Variants in LHX8 observed in about 807,000 individuals in gnomAD.
LHX8 encodes the protein LIM/homeobox protein Lhx8.
LHX8 carries 12 observed loss-of-function variants against 40.3 expected under a neutral mutation model. The ratio of observed to expected loss-of-function variants is 0.30; its 90% CI spans 0.19 to 0.48. The LOEUF (loss-of-function observed/expected upper bound fraction) is 0.48. Among genes scored for constraint, LHX8 ranks in the 20% least tolerant of loss-of-function variants. The pLI is 0.99. For missense variants in LHX8, 344 were observed against 433.7 expected (o/e 0.79, Z 1.84); for synonymous variants, 179 against 162.0 (o/e 1.10, Z -0.80).
chr1:75,141,766 G>A (rs748917666), intron 4 of LHX8, among the ~76,000 whole-genome samples: 2 of 151,998 alleles, frequency 1.3e-5, no homozygotes, highest in African/African-American at 2.4e-5. Flanking sequence ...CAGTTGTGTA[G>A]AAATTAAAAT....
chr1:75,143,762 C>T (rs1358597547), intron 5 of LHX8, 83 bp from the exon 6 acceptor site: 1 of 1,043,600 alleles, frequency 9.6e-7, no homozygotes, highest in East Asian at 2.4e-5. Flanking sequence ...CACAAAAAGC[C>T]AAGAGATATA....
chr1:75,149,001 A>G (rs1648536527), intron 7 of LHX8, among the ~76,000 whole-genome samples: 1 of 152,326 alleles, frequency 6.6e-6, no homozygotes, highest in East Asian at 1.9e-4. Flanking sequence ...TTAAAATGTA[A>G]TGATTATCCT....
At chr1:75,169,227 C>T in the LHX8 span, among the ~76,000 whole-genome samples, 6,224 of 152,196 alleles carry the variant, frequency 0.041, 171 homozygotes, top group Middle Eastern at 0.085. Flanking sequence ...CCAAGCTATA[C>T]GCAAGTGGGC....
rs1296573569 is a variant in LHX8 at position 75,153,776 on chromosome 1, C to T, written c.781-3117C>T. ...CAATGTTGCCTTTTGTTTTCTTAAACTTTTATTGTTTCAATTATTTACGCC... is the reference window on the plus strand; with the variant it reads ...CAATGTTGCCTTTTGTTTTCTTAAATTTTTATTGTTTCAATTATTTACGCC... On this transcript the variant is annotated intron_variant, in intron 7 of 8. Coordinates refer to ENST00000356261, the MANE Select transcript of LHX8 (RefSeq NM_001256114.2). Among the ~76,000 whole-genome samples the T allele has an allele frequency of 7.9e-5, 12 of 152,084 alleles. No homozygotes were observed. In the East Asian group the frequency reaches 2.1e-3, roughly 27 times the overall value.
At chr1:75,130,755 T>C (rs770534168), upstream of LHX8, 6 of 1,612,324 alleles carry the variant, frequency 3.7e-6, no homozygotes, top group South Asian at 5.5e-5. Context: ...AAAGAACCTC[T>C]AGAAGCAATC....
upstream of LHX8, chr1:75,130,419 C>A: frequency 7.4e-6 from 4 of 537,844 alleles, no homozygotes; most frequent in Admixed American, 3.1e-5. Context: ...GTGAGGAATG[C>A]CGCGGGGCGG....
intron 6 of LHX8, among the ~76,000 whole-genome samples, chr1:75,145,908 A>G (rs974752374): frequency 1.3e-5 from 2 of 152,164 alleles, no homozygotes; most frequent in Admixed American, 6.6e-5. Flanking sequence ...ATGAAAGCAT[A>G]TTACCATTTT....
chr1:75,140,873 C>G (rs1354691046), intron 3 of LHX8, 112 bp from the exon 4 acceptor site: 3 of 965,766 alleles, frequency 3.1e-6, no homozygotes, highest in Non-Finnish European at 4.9e-6. Context: ...TGAAAACATT[C>G]AGAGCATGTG....
At chr1:75,140,168 GTTCCC>G (rs1648274537) in intron 3 of LHX8, among the ~76,000 whole-genome samples, 1 of 152,168 alleles carries the variant, frequency 6.6e-6, no homozygotes, top group Non-Finnish European at 1.5e-5. Context: ...ATTATGACTT[GTTCCC>G]TGGATTGACA....
At chr1:75,177,940 T>G in the LHX8 span, among the ~76,000 whole-genome samples, 45 of 152,136 alleles carry the variant, frequency 3.0e-4, no homozygotes, top group African/African-American at 1.0e-3. Context: ...AATCATGTGG[T>G]TTTTGTCTTT....
intron 3 of LHX8, among the ~76,000 whole-genome samples, chr1:75,139,387 G>C (rs907314478): frequency 1.3e-5 from 2 of 152,098 alleles, no homozygotes; most frequent in Non-Finnish European, 2.9e-5. Context: ...TGACAACCAG[G>C]TCTGGCTTTA....
rs1648133732 is a variant in LHX8, at chr1:75,136,474, C to T, written c.-12-129C>T. On this transcript the variant is annotated intron_variant, in intron 1 of 8. Transcript: ENST00000356261. Reference sequence around the variant, plus strand: ...CGGCGCCCGGGCTCAGGCGCCGTGACGGCTGCACGCGCTGCCCCGCACTCT... The same window carrying T: ...CGGCGCCCGGGCTCAGGCGCCGTGATGGCTGCACGCGCTGCCCCGCACTCT... 10 of 633,296 alleles carry T rather than the reference C, an allele frequency of 1.6e-5. No homozygotes were observed. The Admixed American group carries it at 2.4e-4, about 15-fold the overall frequency. 39.2% of individuals were successfully genotyped at this position (633,296 alleles called of 1,614,324 possible). A position where few individuals can be genotyped will look rare whatever the true frequency, so the allele number is the denominator to read the frequency against.
chr1:75,146,441 C>T (rs2100345309), intron 6 of LHX8, among the ~76,000 whole-genome samples: 1 of 152,196 alleles, frequency 6.6e-6, no homozygotes, highest in East Asian at 1.9e-4. Context: ...ATTGCTTATT[C>T]TATGTAGAAG....
chr1:75,130,639 C>T, upstream of LHX8: 1 of 1,292,876 alleles, frequency 7.7e-7, no homozygotes, highest in Non-Finnish European at 1.1e-6. Context: ...CTGTGGGTAG[C>T]AAGGTATAAA....
At chr1:75,183,345 A>G in the LHX8 span, among the ~76,000 whole-genome samples, 1 of 152,224 alleles carries the variant, frequency 6.6e-6, no homozygotes, top group East Asian at 1.9e-4. Flanking sequence ...TAAGGTCAAA[A>G]TAAAAGAAAG....
chr1:75,181,661 G>A, the LHX8 span, among the ~76,000 whole-genome samples: 1 of 152,178 alleles, frequency 6.6e-6, no homozygotes, highest in Admixed American at 6.5e-5. Flanking sequence ...TCTTGAGTGA[G>A]GCGATGCCCC....
intron 6 of LHX8, among the ~76,000 whole-genome samples, chr1:75,145,958 T>A (rs1449496217): frequency 6.6e-6 from 1 of 152,144 alleles, no homozygotes; most frequent in Non-Finnish European, 1.5e-5. Flanking sequence ...GCTTTCAAAG[T>A]ATATTCTCAT....
At chr1:75,157,218 C>A in intron 8 of LHX8, 142 bp downstream of exon 8, 2 of 833,816 alleles carry the variant, frequency 2.4e-6, no homozygotes, top group Non-Finnish European at 3.9e-6. Context: ...CAGTAGAGAG[C>A]AAAATTATCC....
intron 6 of LHX8, among the ~76,000 whole-genome samples, chr1:75,147,973 G>A (rs1037091892): frequency 3.3e-5 from 5 of 152,130 alleles, no homozygotes; most frequent in African/African-American, 4.8e-5. Context: ...CAATCCAAAG[G>A]CTTACATCAG....
Sources: gnomAD v4.1 joint callset for allele counts (sites outside exome capture counted in the v4.1 genomes callset) on GRCh38, gnomAD v4.1.1 for gene constraint, MANE v1.5 for transcripts, NCBI Gene and HGNC (gene_info 2026-07-23, HGNC 2026-07-21) for gene names.